The following DPP10 variants were observed in gnomAD, a reference collection of about 807,000 sequenced individuals.
The protein encoded by DPP10 is inactive dipeptidyl peptidase 10.
A neutral mutation model predicts 120.9 loss-of-function variants in DPP10; 33 were observed. The ratio of observed to expected loss-of-function variants is 0.27; its 90% CI spans 0.21 to 0.37. The LOEUF (loss-of-function observed/expected upper bound fraction) is 0.37. Among genes scored for constraint, DPP10 ranks in the 10% least tolerant of loss-of-function variants. DPP10 has a pLI of 1.00. For synonymous variants in DPP10, 337 were observed against 326.1 expected (o/e 1.03, Z -0.36); for missense variants, 816 against 942.8 (o/e 0.87, Z 1.76).
At chr2:115,386,922 A>C (rs184429275) in intron 3 of DPP10, among the ~76,000 whole-genome samples, 1 of 152,180 alleles carries the variant, frequency 6.6e-6, no homozygotes, top group East Asian at 1.9e-4. Context: ...AAAAACTGTA[A>C]GAATATTAAA....
At chr2:115,746,308 C>A in intron 10 of DPP10, 125 bp downstream of exon 10, 1 of 845,908 alleles carries the variant, frequency 1.2e-6, no homozygotes, top group South Asian at 1.5e-5. Flanking sequence ...GCTGAAGTTG[C>A]CTACATTAGT....
chr2:114,524,411 T>TA (rs971642655), intron 1 of DPP10, among the ~76,000 whole-genome samples: 2 of 152,168 alleles, frequency 1.3e-5, no homozygotes, highest in Non-Finnish European at 2.9e-5. Context: ...AAACAGCTAA[T>TA]AAAAACTGAT....
At chr2:115,764,560 T>C (rs1680494822) in intron 12 of DPP10, among the ~76,000 whole-genome samples, 1 of 152,138 alleles carries the variant, frequency 6.6e-6, no homozygotes, top group Non-Finnish European at 1.5e-5. Flanking sequence ...AAACATCTTT[T>C]GCTATTACTT....
At chr2:115,630,441 T>C (rs1256748198) in intron 5 of DPP10, among the ~76,000 whole-genome samples, 1 of 152,178 alleles carries the variant, frequency 6.6e-6, no homozygotes, top group African/African-American at 2.4e-5. Flanking sequence ...TCAAATACTA[T>C]GTTAAATAGT....
rs1685461772 is a variant in DPP10, at chr2:114,525,913, ACTC to A, written c.60+83078_60+83080del. 6.6e-5 allele frequency among the ~76,000 whole-genome samples: 10 copies of A among 152,282 alleles called. No individual in the cohort carries two copies. In the South Asian group the frequency reaches 2.1e-3, roughly 32 times the overall value. On this transcript the variant is annotated intron_variant, in intron 1 of 25. Transcript: ENST00000410059. ...CATTGGCTGGCCTGTATTCTTTCCA[ACTC>A]CTAAACAGTAGCTCTTCTTTCAAAT...
intron 1 of DPP10, among the ~76,000 whole-genome samples, chr2:114,810,050 C>T (rs150707565): frequency 8.5e-5 from 13 of 152,262 alleles, no homozygotes; most frequent in African/African-American, 1.4e-4. Flanking sequence ...GAGATTTTGA[C>T]GGTTCATACT....
At chr2:115,787,726 C>T (rs1463217013) in intron 17 of DPP10, among the ~76,000 whole-genome samples, 2 of 152,180 alleles carry the variant, frequency 1.3e-5, no homozygotes, top group East Asian at 1.9e-4. Flanking sequence ...TTCAACATAA[C>T]GGAAGCAGGA....
intron 5 of DPP10, among the ~76,000 whole-genome samples, chr2:115,602,603 A>G (rs576993839): frequency 6.6e-6 from 1 of 152,176 alleles, no homozygotes; most frequent in East Asian, 1.9e-4. Flanking sequence ...TGATTTTATA[A>G]TACTAAGATT....
intron 1 of DPP10, among the ~76,000 whole-genome samples, chr2:114,605,638 T>G (rs1692724222): frequency 6.6e-6 from 1 of 152,096 alleles, no homozygotes; most frequent in African/African-American, 2.4e-5. Context: ...AGATTTTGAA[T>G]GCACAGGGTT....
At chr2:114,811,932 C>T (rs1291802082) in intron 1 of DPP10, among the ~76,000 whole-genome samples, 4 of 152,148 alleles carry the variant, frequency 2.6e-5, no homozygotes, top group Admixed American at 6.5e-5. Context: ...AGAGGCTGTC[C>T]GGAGACCTTG....
Position 115,526,201 on chromosome 2 carries a change from C to A in DPP10, c.441+229C>A, listed in dbSNP as rs2148898692. ...AGTTTGCCCAGTGCCTGTGCTGATCCAAGTCCATCTCTTGGCAGAGGAGAA... is the reference window on the plus strand; with the variant it reads ...AGTTTGCCCAGTGCCTGTGCTGATCAAAGTCCATCTCTTGGCAGAGGAGAA... On this transcript the variant is annotated intron_variant, in intron 5 of 25. Transcript: ENST00000410059. 9.7e-6 allele frequency: 4 copies of A among 413,572 alleles called. No homozygotes were observed. The Middle Eastern group carries it at 1.9e-3, about 192-fold the overall frequency. The allele number at this position is 413,572 out of a possible 1,614,324, so 25.6% of individuals were successfully genotyped here. A position where few individuals can be genotyped will look rare whatever the true frequency, so the allele number is the denominator to read the frequency against.
At chr2:115,637,984 C>T (rs559980377) in intron 5 of DPP10, among the ~76,000 whole-genome samples, 27 of 152,284 alleles carry the variant, frequency 1.8e-4, no homozygotes, top group African/African-American at 6.5e-4. Context: ...AGCCAGAGAT[C>T]TGATTGCATG....
At chr2:115,433,253 C>T (rs1484253382) in intron 3 of DPP10, among the ~76,000 whole-genome samples, 1 of 151,948 alleles carries the variant, frequency 6.6e-6, no homozygotes, top group Non-Finnish European at 1.5e-5. Flanking sequence ...ACTGCTTTAG[C>T]AATGTATAGA....
chr2:115,444,240 T>A (rs781582572), intron 3 of DPP10, among the ~76,000 whole-genome samples: 13 of 152,220 alleles, frequency 8.5e-5, no homozygotes, highest in Non-Finnish European at 1.5e-4. Flanking sequence ...ATTTTTCTTC[T>A]CACTTCAATA....
intron 1 of DPP10, among the ~76,000 whole-genome samples, chr2:115,134,650 C>T (rs1181531410): frequency 2.0e-5 from 3 of 151,862 alleles, no homozygotes; most frequent in East Asian, 3.9e-4. Context: ...GCAAATAGGG[C>T]CTTCATCTAA....
At position 115,294,462 on chromosome 2, in the gene DPP10, T is replaced by G. The variant is rs1157396160; in HGVS notation, c.61-14777T>G. Reference sequence around the variant, plus strand: ...TTTTTTTGGATTAGCTTTTGTAAATTTACATCTAGAAGTACTGGTATTGTT... The same window carrying G: ...TTTTTTTGGATTAGCTTTTGTAAATGTACATCTAGAAGTACTGGTATTGTT... On this transcript the variant is annotated intron_variant, in intron 1 of 25. Coordinates refer to ENST00000410059, the MANE Select transcript of DPP10 (RefSeq NM_020868.6). Among the ~76,000 whole-genome samples the G allele has an allele frequency of 3.3e-5, 5 of 152,104 alleles. No homozygotes were observed. The East Asian group carries it at 9.7e-4, about 29-fold the overall frequency.
chr2:115,488,647 G>A (rs1197488589), intron 3 of DPP10, among the ~76,000 whole-genome samples: 24 of 96,412 alleles, frequency 2.5e-4, no homozygotes, highest in South Asian at 9.2e-4. Context: ...ACCAAACACC[G>A]CATATTCTCA....
At chr2:115,469,608 A>C (rs913281071) in intron 3 of DPP10, among the ~76,000 whole-genome samples, 1 of 152,198 alleles carries the variant, frequency 6.6e-6, no homozygotes, top group East Asian at 1.9e-4. Flanking sequence ...TATTAAGACT[A>C]GTTTCCGAGG....
intron 3 of DPP10, among the ~76,000 whole-genome samples, chr2:115,459,439 G>A (rs768824461): frequency 6.6e-6 from 1 of 152,262 alleles, no homozygotes; most frequent in Non-Finnish European, 1.5e-5. Context: ...TTACAGGCAT[G>A]AGCTACCACG....
Sources: gnomAD v4.1 joint callset for allele counts (sites outside exome capture counted in the v4.1 genomes callset) on GRCh38, gnomAD v4.1.1 for gene constraint, MANE v1.5 for transcripts, NCBI Gene and HGNC (gene_info 2026-07-23, HGNC 2026-07-21) for gene names.